Variants in FGF14 observed in about 807,000 individuals in gnomAD.
FGF14 encodes fibroblast growth factor 14.
Under a neutral mutation model 25.5 loss-of-function variants are expected in FGF14, and 5 were observed. The ratio of observed to expected loss-of-function variants is 0.20; its 90% CI spans 0.10 to 0.41. The LOEUF (loss-of-function observed/expected upper bound fraction) is 0.41. Ranked by LOEUF, FGF14 falls within the 10% of genes least tolerant of loss-of-function variation. The pLI, the probability that FGF14 is intolerant of heterozygous loss-of-function variation, is 1.00. For synonymous variants in FGF14, 138 were observed against 118.3 expected (o/e 1.17, Z -1.08); for missense variants, 222 against 320.1 (o/e 0.69, Z 2.34).
At chr13:102,245,727 G>A (rs1237078879) in intron 1 of FGF14, among the ~76,000 whole-genome samples, 1 of 151,986 alleles carries the variant, frequency 6.6e-6, no homozygotes, top group Non-Finnish European at 1.5e-5. Context: ...GATTTAATAA[G>A]CACACTGCGT....
intron 1 of FGF14, among the ~76,000 whole-genome samples, chr13:102,268,880 T>C (rs2053120017): frequency 6.6e-6 from 1 of 152,182 alleles, no homozygotes; most frequent in African/African-American, 2.4e-5. Flanking sequence ...TGGCAACCAA[T>C]TTTATCTGCC....
At chr13:102,275,235 T>TCTCTCTCTCTCTCTCC (rs1566889133) in intron 1 of FGF14, among the ~76,000 whole-genome samples, 64 of 57,394 alleles carry the variant, frequency 1.1e-3, no homozygotes, top group Non-Finnish European at 1.8e-3. Flanking sequence ...TAGGCAGATT[T>TCTCTCTCTCTCTCTCC]CTCTCTCTCT....
chr13:101,734,506 C>G (rs1283918662), intron 3 of FGF14, among the ~76,000 whole-genome samples: 1 of 152,146 alleles, frequency 6.6e-6, no homozygotes, highest in Non-Finnish European at 1.5e-5. Flanking sequence ...GTAAGATGAA[C>G]AGATGGCACC....
At chr13:102,355,389 T>C (rs1451137982) in intron 1 of FGF14, among the ~76,000 whole-genome samples, 1 of 152,018 alleles carries the variant, frequency 6.6e-6, no homozygotes, top group Admixed American at 6.6e-5. Flanking sequence ...TGGTGACACA[T>C]TCCGAAGAAT....
upstream of FGF14, among the ~76,000 whole-genome samples, chr13:101,917,237 T>C (rs1464094807): frequency 1.3e-5 from 2 of 152,082 alleles, no homozygotes; most frequent in African/African-American, 2.4e-5. Context: ...AATCAGCATC[T>C]GGAGAGACCA....
At chr13:102,119,420 G>A (rs1341151438) in intron 1 of FGF14, among the ~76,000 whole-genome samples, 1 of 152,092 alleles carries the variant, frequency 6.6e-6, no homozygotes, top group Non-Finnish European at 1.5e-5. Flanking sequence ...AACCTTGATT[G>A]GATCCTGGAT....
At chr13:102,396,750 A>G (rs1376986743) in intron 1 of FGF14, among the ~76,000 whole-genome samples, 1 of 152,236 alleles carries the variant, frequency 6.6e-6, no homozygotes, top group Non-Finnish European at 1.5e-5. Context: ...TTAGATTATC[A>G]TGCATTGAAT....
chr13:101,735,905 G>T (rs765106016), intron 3 of FGF14, among the ~76,000 whole-genome samples: 10 of 152,198 alleles, frequency 6.6e-5, no homozygotes, highest in Non-Finnish European at 1.5e-4. Flanking sequence ...TTACGTGAAA[G>T]AAATCAAACT....
intron 1 of FGF14, among the ~76,000 whole-genome samples, chr13:102,265,782 G>A (rs2052958593): frequency 6.6e-6 from 1 of 151,974 alleles, no homozygotes; most frequent in Non-Finnish European, 1.5e-5. Flanking sequence ...CCTAAGAACT[G>A]AAAACACTGA....
intron 1 of FGF14, among the ~76,000 whole-genome samples, chr13:102,374,127 T>C (rs2057965390): frequency 6.6e-6 from 1 of 152,142 alleles, no homozygotes; most frequent in African/African-American, 2.4e-5. Flanking sequence ...AAAGCAGACC[T>C]GAAATGTCTT....
chr13:101,988,752 A>T (rs2038733379), intron 1 of FGF14, among the ~76,000 whole-genome samples: 1 of 151,688 alleles, frequency 6.6e-6, no homozygotes, highest in Non-Finnish European at 1.5e-5. Flanking sequence ...GATATACCTA[A>T]TGTTAATGAT....
At chr13:101,821,022 A>C (rs1477097787) in intron 3 of FGF14, among the ~76,000 whole-genome samples, 7 of 143,842 alleles carry the variant, frequency 4.9e-5, no homozygotes, top group African/African-American at 1.5e-4. Context: ...ATCTCGGCTC[A>C]CTGCAGGCTC....
At chr13:102,107,086 T>G (rs142853848) in intron 1 of FGF14, among the ~76,000 whole-genome samples, 5 of 152,336 alleles carry the variant, frequency 3.3e-5, no homozygotes, top group Non-Finnish European at 7.3e-5. Context: ...AACTTCAGTT[T>G]GATGACTACT....
chr13:102,292,272 C>T (rs1312320866), intron 1 of FGF14: 1 of 96,442 alleles, frequency 1.0e-5, no homozygotes, highest in Admixed American at 1.3e-4. Flanking sequence ...ACCTTATACT[C>T]TATAGCAAAA....
chr13:102,159,567 G>T (rs563869720), intron 1 of FGF14, among the ~76,000 whole-genome samples: 1 of 152,170 alleles, frequency 6.6e-6, no homozygotes, highest in Non-Finnish European at 1.5e-5. Context: ...CAAGAAAGTC[G>T]GAGGCAGAGC....
chr13:102,098,400 T>C (rs1211934161), intron 1 of FGF14, among the ~76,000 whole-genome samples: 1 of 152,222 alleles, frequency 6.6e-6, no homozygotes, highest in Non-Finnish European at 1.5e-5. Context: ...TTTTTGTGAG[T>C]AAAATATAAG....
chr13:102,193,885 T>C (rs975155196), intron 1 of FGF14, among the ~76,000 whole-genome samples: 1 of 113,396 alleles, frequency 8.8e-6, no homozygotes, highest in African/African-American at 3.8e-5. Flanking sequence ...AACAAGGGGA[T>C]AAAATCAGTC....
intron 1 of FGF14, among the ~76,000 whole-genome samples, chr13:102,063,682 G>A (rs1195670224): frequency 1.3e-5 from 2 of 151,652 alleles, no homozygotes; most frequent in Non-Finnish European, 2.9e-5. Flanking sequence ...AAAAAAGAAT[G>A]TCTTTTATGA....
At chr13:101,820,727 C>A (rs2042073101) in intron 3 of FGF14, among the ~76,000 whole-genome samples, 1 of 151,670 alleles carries the variant, frequency 6.6e-6, no homozygotes, top group Non-Finnish European at 1.5e-5. Context: ...TATTAAACTG[C>A]CCAAGTATTA....
Sources: gnomAD v4.1 joint callset for allele counts (sites outside exome capture counted in the v4.1 genomes callset) on GRCh38, gnomAD v4.1.1 for gene constraint, MANE v1.5 for transcripts, NCBI Gene and HGNC (gene_info 2026-07-23, HGNC 2026-07-21) for gene names.